The following PCDHA5 variants were observed in gnomAD, a reference collection of about 807,000 sequenced individuals.
PCDHA5 encodes protocadherin alpha-5.
PCDHA5 carries 43 observed loss-of-function variants against 61.6 expected under a neutral mutation model. The ratio of observed to expected loss-of-function variants is 0.70; its 90% CI spans 0.55 to 0.90. The LOEUF is 0.90. Among genes scored for constraint, PCDHA5 ranks in the 40% least tolerant of loss-of-function variants. The pLI is 0.00. For missense variants in PCDHA5, 1,298 were observed against 1,222.7 expected (o/e 1.06, Z -0.92); for synonymous variants, 627 against 543.9 (o/e 1.15, Z -2.13).
At chr5:140,928,374 C>A in intron 1 of PCDHA5, 1 of 1,614,172 alleles carries the variant, frequency 6.2e-7, no homozygotes, top group Non-Finnish European at 8.5e-7. Context: ...GGCCATCAGC[C>A]TCTAGCTTGC....
intron 1 of PCDHA5, chr5:140,871,299 G>A (rs782459625): frequency 1.9e-6 from 3 of 1,613,916 alleles, no homozygotes; most frequent in South Asian, 1.1e-5. Context: ...GCGCGTGCGC[G>A]CCGGGGAAGC....
rs782141581 is a variant in PCDHA5 at position 140,857,357 on chromosome 5, A to G, written c.2352+33230A>G. On this transcript the variant is annotated intron_variant, in intron 1 of 3. Coordinates refer to ENST00000529859, the MANE Select transcript of PCDHA5 (RefSeq NM_018908.3). ...CGGGGGCTCGCCTCCGCTGTGGGCC[A>G]CGGCCAGCGTGTCTGTGGAGGTGGC... 29 of 1,598,430 alleles carry G rather than the reference A, an allele frequency of 1.8e-5. 3 individuals are homozygous for G. Among genetic ancestry groups the G allele is most frequent in the Non-Finnish European group, 2.5e-5 (29 of 1,167,908 alleles).
At chr5:140,961,446 T>G (rs1318543773) in intron 1 of PCDHA5, among the ~76,000 whole-genome samples, 1 of 152,238 alleles carries the variant, frequency 6.6e-6, no homozygotes. Flanking sequence ...CTAACTACAC[T>G]GTCTTGCAGC....
chr5:140,884,839 G>A lies in PCDHA5; in HGVS notation c.2352+60712G>A, dbSNP rs180730260. Reference sequence around the variant, plus strand: ...ACATTATGTGTTGGATTATCCTTCAGAGTGAAATCTTAACTCACAAACCAT... The same window carrying A: ...ACATTATGTGTTGGATTATCCTTCAAAGTGAAATCTTAACTCACAAACCAT... On this transcript the variant is annotated intron_variant, in intron 1 of 3. Coordinates refer to ENST00000529859, the MANE Select transcript of PCDHA5 (RefSeq NM_018908.3). 2.5e-3 allele frequency: 2,207 copies of A among 893,274 alleles called. 7 individuals are homozygous for A. Among genetic ancestry groups the A allele is most frequent in the Middle Eastern group, 9.3e-3 (26 of 2,802 alleles). 55.3% of individuals were successfully genotyped at this position (893,274 alleles called of 1,614,324 possible). A position where few individuals can be genotyped will look rare whatever the true frequency, so the allele number is the denominator to read the frequency against.
intron 1 of PCDHA5, among the ~76,000 whole-genome samples, chr5:140,913,386 T>C (rs1317540233): frequency 6.6e-6 from 1 of 152,228 alleles, no homozygotes; most frequent in Non-Finnish European, 1.5e-5. Context: ...TGGCTCATCA[T>C]AGCCACTAAT....
intron 1 of PCDHA5, chr5:140,841,445 G>T: frequency 6.2e-7 from 1 of 1,612,934 alleles, no homozygotes; most frequent in South Asian, 1.1e-5. Context: ...GGCCAAACAC[G>T]GCACCTTCGT....
chr5:140,882,124 C>T (rs1166492594), intron 1 of PCDHA5: 2 of 1,459,646 alleles, frequency 1.4e-6, no homozygotes, highest in African/African-American at 1.4e-5. Flanking sequence ...CCGTTTCTTT[C>T]TTCCTGCAGA....
At chr5:140,957,397 A>C (rs553656426) in intron 1 of PCDHA5, among the ~76,000 whole-genome samples, 1 of 152,282 alleles carries the variant, frequency 6.6e-6, no homozygotes, top group South Asian at 2.1e-4. Context: ...AATTGTCCTA[A>C]TTTATTATTA....
At chr5:140,858,533 T>C in intron 1 of PCDHA5, 4 of 1,397,322 alleles carry the variant, frequency 2.9e-6, no homozygotes, top group Non-Finnish European at 4.0e-6. Context: ...TTCATTTTTG[T>C]CTACATTCCA....
intron 1 of PCDHA5, chr5:140,851,041 G>A (rs1162904841): frequency 3.6e-6 from 5 of 1,393,834 alleles, no homozygotes; most frequent in Non-Finnish European, 4.7e-6. Context: ...TAACATTGGA[G>A]CCGACTTTGT....
At position 140,877,134 on chromosome 5, in the gene PCDHA5, C is replaced by A. The variant is rs1339173132; in HGVS notation, c.2352+53007C>A. 17 of 1,613,712 alleles carry A rather than the reference C, an allele frequency of 1.1e-5. No homozygotes were observed. Among genetic ancestry groups the A allele is most frequent in the Admixed American group, 6.7e-5 (4 of 60,000 alleles). ...GCAGCAACGTGACGCTGCAGGTGTTCGTGCTGGACGAGAACGACAACGCGC... is the reference window on the plus strand; with the variant it reads ...GCAGCAACGTGACGCTGCAGGTGTTAGTGCTGGACGAGAACGACAACGCGC... On this transcript the variant is annotated intron_variant, in intron 1 of 3. Transcript: ENST00000529859.
chr5:140,936,640 C>G (rs782162757), intron 1 of PCDHA5, among the ~76,000 whole-genome samples: 3 of 152,208 alleles, frequency 2.0e-5, no homozygotes, highest in African/African-American at 7.2e-5. Context: ...TCATAAGCAA[C>G]GTGACTTTAT....
intron 1 of PCDHA5, 119 bp from the exon 2 acceptor site, chr5:140,978,830 C>T: frequency 6.5e-7 from 1 of 1,535,340 alleles, no homozygotes; most frequent in Non-Finnish European, 8.8e-7. Context: ...TGAAATGGCT[C>T]ATTCAATACT....
chr5:140,934,580 T>C lies in PCDHA5; in HGVS notation c.2353-44369T>C, dbSNP rs531235009. 3.9e-5 allele frequency among the ~76,000 whole-genome samples: 6 copies of C among 152,296 alleles called. No individual in the cohort carries two copies. In the East Asian group the frequency reaches 1.2e-3, roughly 29 times the overall value. On this transcript the variant is annotated intron_variant, in intron 1 of 3. Transcript: ENST00000529859. ...CTTTTTTTTAATTAATTGTAACATT[T>C]CTGTAATGGGTCTTCAACTATTTGA...
chr5:140,860,530 T>C (rs1210536247), intron 1 of PCDHA5: 1 of 152,180 alleles, frequency 6.6e-6, no homozygotes, highest in Non-Finnish European at 1.5e-5. Flanking sequence ...GAATTCTGAT[T>C]TGTAAGACAA....
chr5:140,909,575 G>A (rs114329297), intron 1 of PCDHA5, among the ~76,000 whole-genome samples: 373 of 152,290 alleles, frequency 2.4e-3, no homozygotes, highest in African/African-American at 8.5e-3. Context: ...CCAGAGATGT[G>A]ATATGTTTTT....
In PCDHA5 at chr5:141,010,299, T is replaced by G; in HGVS notation, c.*362T>G. ...TCTTGATGACACTTGCAGGGCAGGCTGAAAAGTTTTGAGATTGAGCAGCTT... is the reference window on the plus strand; with the variant it reads ...TCTTGATGACACTTGCAGGGCAGGCGGAAAAGTTTTGAGATTGAGCAGCTT... On this transcript the variant is annotated 3_prime_UTR_variant, in exon 4 of 4. Transcript: ENST00000529859. 6.5e-7 allele frequency: 1 copy of G among 1,549,016 alleles called. No homozygotes were observed. The highest frequency in any genetic ancestry group is 2.4e-5 in the East Asian group (1 of 40,892).
chr5:140,942,448 A>C (rs140426253), intron 1 of PCDHA5, among the ~76,000 whole-genome samples: 3,563 of 152,146 alleles, frequency 0.023, 50 homozygotes, highest in Middle Eastern at 0.034. Flanking sequence ...CAAGTAAACT[A>C]TCAATTATAA....
intron 1 of PCDHA5, among the ~76,000 whole-genome samples, chr5:140,832,117 A>G (rs1431640218): frequency 6.6e-6 from 1 of 152,252 alleles, no homozygotes; most frequent in African/African-American, 2.4e-5. Flanking sequence ...AGCAATTTAA[A>G]ATGTGTGTTT....
Sources: gnomAD v4.1 joint callset for allele counts (sites outside exome capture counted in the v4.1 genomes callset) on GRCh38, gnomAD v4.1.1 for gene constraint, MANE v1.5 for transcripts, NCBI Gene and HGNC (gene_info 2026-07-23, HGNC 2026-07-21) for gene names.